STRN: variants seen among roughly 807,000 people sequenced by gnomAD.
The protein encoded by STRN is protein phosphatase 2 regulatory subunit B'''alpha.
Under a neutral mutation model 96.3 loss-of-function variants are expected in STRN, and 53 were observed. That is an observed-to-expected ratio of 0.55 (90% CI 0.44 to 0.69). The LOEUF is 0.69. Ranked by LOEUF, STRN falls within the 30% of genes least tolerant of loss-of-function variation. The pLI, the probability that STRN is intolerant of heterozygous loss-of-function variation, is 0.00. For synonymous variants in STRN, 428 were observed against 355.9 expected, an observed-to-expected ratio of 1.20 and a Z score of -2.28; for missense variants, 987 against 963.9, an observed-to-expected ratio of 1.02 and a Z score of -0.32.
At chr2:36,899,237 A>AT (rs2148195478) in intron 6 of STRN, among the ~76,000 whole-genome samples, 1 of 152,326 alleles carries the variant, frequency 6.6e-6, no homozygotes, top group African/African-American at 2.4e-5. Flanking sequence ...ATAACCCTGC[A>AT]TTGTTATAAC....
At chr2:36,878,497 C>T (rs933552024) in intron 9 of STRN, among the ~76,000 whole-genome samples, 1 of 151,994 alleles carries the variant, frequency 6.6e-6, no homozygotes, top group Non-Finnish European at 1.5e-5. Context: ...ATTTATGTGA[C>T]AAAATCTATA....
intron 10 of STRN, among the ~76,000 whole-genome samples, chr2:36,870,296 G>GAAAAA (rs56722317): frequency 7.2e-6 from 1 of 139,022 alleles, no homozygotes; most frequent in Non-Finnish European, 1.6e-5. Context: ...TCTCAAAAAT[G>GAAAAA]AAAAAAAAAA....
At chr2:36,866,749 CTTGAA>C (rs1435622578) in intron 12 of STRN, among the ~76,000 whole-genome samples, 3 of 152,100 alleles carry the variant, frequency 2.0e-5, no homozygotes, top group Non-Finnish European at 4.4e-5. Flanking sequence ...TAAGAATTTT[CTTGAA>C]TTGAATCCTT....
Position 36,860,762 on chromosome 2 carries a change from C to T in STRN, c.1669+370G>A, listed in dbSNP as rs374889202. On this transcript the variant is annotated intron_variant, in intron 13 of 17. Coordinates refer to ENST00000263918, the MANE Select transcript of STRN (RefSeq NM_003162.4). The stretch of plus-strand genomic sequence containing the variant: ...TAATTGACCAAGGGGATGGCACCAA[C>T]ATTCATTTTCCTTAAAAGTTGTTTG... Among the ~76,000 whole-genome samples, 11 of 152,274 alleles carry T rather than the reference C, an allele frequency of 7.2e-5. No homozygotes were observed. In the East Asian group the frequency reaches 2.1e-3, roughly 29 times the overall value.
intron 1 of STRN, among the ~76,000 whole-genome samples, chr2:36,937,337 T>C (rs1388554512): frequency 5.1e-5 from 4 of 78,478 alleles, no homozygotes; most frequent in Non-Finnish European, 1.1e-4. Context: ...AGAGTGAGAC[T>C]GTCTCAAAAA....
At chr2:36,947,042 C>T (rs1439849161) in intron 1 of STRN, among the ~76,000 whole-genome samples, 12 of 151,984 alleles carry the variant, frequency 7.9e-5, no homozygotes, top group Middle Eastern at 3.2e-3. Context: ...ACTACAGGCA[C>T]GTGCCACCAG....
At chr2:36,887,166 C>T (rs1186083997) in intron 7 of STRN, among the ~76,000 whole-genome samples, 2 of 151,694 alleles carry the variant, frequency 1.3e-5, no homozygotes, top group South Asian at 2.1e-4. Flanking sequence ...GGGTGGCTCA[C>T]GCCTATAATT....
intron 12 of STRN, among the ~76,000 whole-genome samples, chr2:36,866,926 T>G (rs868775647): frequency 6.6e-6 from 1 of 152,218 alleles, no homozygotes; most frequent in Non-Finnish European, 1.5e-5. Context: ...TTACTGCATG[T>G]GAGGTGGGTC....
intron 1 of STRN, among the ~76,000 whole-genome samples, chr2:36,950,017 G>A (rs1664713160): frequency 6.6e-6 from 1 of 151,974 alleles, no homozygotes; most frequent in Admixed American, 6.6e-5. Context: ...GTAACCAAAA[G>A]CAGAAAAAGA....
chr2:36,899,469 A>G (rs1420475761), intron 6 of STRN, 54 bp downstream of exon 6: 4 of 1,500,976 alleles, frequency 2.7e-6, no homozygotes, highest in Non-Finnish European at 3.6e-6. Context: ...TGCATTATAC[A>G]GTATGTATTA....
intron 7 of STRN, among the ~76,000 whole-genome samples, chr2:36,887,995 A>G (rs1669284366): frequency 6.6e-6 from 1 of 152,200 alleles, no homozygotes; most frequent in Non-Finnish European, 1.5e-5. Flanking sequence ...GCAAACATAC[A>G]AAACCAAACA....
intron 1 of STRN, among the ~76,000 whole-genome samples, chr2:36,961,528 G>T (rs545500372): frequency 4.3e-4 from 65 of 152,118 alleles, no homozygotes; most frequent in Non-Finnish European, 3.8e-4. Context: ...AATGTATTCA[G>T]AATCCTGTAT....
intron 10 of STRN, among the ~76,000 whole-genome samples, chr2:36,876,270 T>TA (rs11292459): frequency 6.9e-5 from 10 of 144,432 alleles, no homozygotes; most frequent in African/African-American, 2.5e-4. Flanking sequence ...GACCCTGCCT[T>TA]AAAAAAAAAA....
chr2:36,940,214 T>C (rs1670810636), intron 1 of STRN, among the ~76,000 whole-genome samples: 1 of 152,170 alleles, frequency 6.6e-6, no homozygotes, highest in Non-Finnish European at 1.5e-5. Context: ...TTATATAAGA[T>C]GTACTTCGAA....
intron 15 of STRN, among the ~76,000 whole-genome samples, chr2:36,853,876 T>G (rs1668279282): frequency 6.6e-6 from 1 of 152,330 alleles, no homozygotes; most frequent in East Asian, 1.9e-4. Flanking sequence ...AAACATAATT[T>G]AGAAAATGTC....
intron 14 of STRN, 36 bp downstream of exon 14, chr2:36,857,819 TA>T: frequency 6.4e-7 from 1 of 1,557,270 alleles, no homozygotes; most frequent in Non-Finnish European, 8.8e-7. Context: ...AACTGTTTTA[TA>T]GAGGATTCAG....
chr2:36,923,710 G>A (rs1292292508), intron 2 of STRN, among the ~76,000 whole-genome samples: 1 of 151,840 alleles, frequency 6.6e-6, no homozygotes, highest in East Asian at 1.9e-4. Context: ...GCATCTAAAT[G>A]CTATTTTATT....
At position 36,894,043 on chromosome 2, in the gene STRN, A is replaced by G; in HGVS notation, c.796-10T>C. 6.2e-7 allele frequency: 1 copy of G among 1,606,118 alleles called. No homozygotes were observed. Among genetic ancestry groups the G allele is most frequent in the Non-Finnish European group, 8.5e-7 (1 of 1,178,120 alleles). On this transcript the variant is annotated splice_polypyrimidine_tract_variant and intron_variant, in intron 6 of 17. Transcript: ENST00000263918. The stretch of plus-strand genomic sequence containing the variant: ...CTTTTTTCCTAACAATCTAATGAAA[A>G]AACATGCTAAATTAAATAAAGGAGA...
chr2:36,945,589 C>G (rs558146303), intron 1 of STRN, among the ~76,000 whole-genome samples: 1 of 152,004 alleles, frequency 6.6e-6, no homozygotes, highest in Non-Finnish European at 1.5e-5. Context: ...ATCGCTTGAA[C>G]CAAGAGGCAG....
Sources: allele counts gnomAD v4.1 joint callset (sites outside exome capture counted in the v4.1 genomes callset), GRCh38; gene constraint gnomAD v4.1.1; transcripts MANE v1.5; gene names NCBI Gene and HGNC (gene_info 2026-07-23, HGNC 2026-07-21).